Variants in JAKMIP1 observed in about 807,000 individuals in gnomAD.
JAKMIP1 encodes the protein janus kinase and microtubule-interacting protein 1.
JAKMIP1 carries 33 observed loss-of-function variants against 113.0 expected under a neutral mutation model. That is an observed-to-expected ratio of 0.29 (90% CI 0.22 to 0.39). The LOEUF is 0.39. Ranked by LOEUF, JAKMIP1 falls within the 10% of genes least tolerant of loss-of-function variation. The pLI, the probability that JAKMIP1 is intolerant of heterozygous loss-of-function variation, is 1.00. For synonymous variants in JAKMIP1, 480 were observed against 459.9 expected (o/e 1.04, Z -0.56); for missense variants, 813 against 1,080.5 (o/e 0.75, Z 3.47).
rs1250501392 is a variant in JAKMIP1 at position 6,188,658 on chromosome 4, C to A, written c.-148+11595G>T. 1.3e-5 allele frequency among the ~76,000 whole-genome samples: 2 copies of A among 152,222 alleles called. No individual in the cohort carries two copies. The highest frequency in any genetic ancestry group is 2.9e-5 in the Non-Finnish European group (2 of 68,040). ...AATCTGGGGCACCTGAGGTTTGGGG[C>A]ACCTGCATCCCTCCCCCATCTTCTG... On this transcript the variant is annotated intron_variant, in intron 1 of 20. Coordinates refer to ENST00000409021, the MANE Select transcript of JAKMIP1 (RefSeq NM_001099433.2). This position sits in a 1 kb window ranked among gnomAD's most constrained non-coding sequence, Gnocchi z 5.8.
rs183378605 is a variant in JAKMIP1, at chr4:6,197,786, A to G, written c.-148+2467T>C. On this transcript the variant is annotated intron_variant, in intron 1 of 20. Transcript: ENST00000409021. The surrounding 1 kb of genome is among the most constrained non-coding windows in gnomAD (Gnocchi z 6.5). The stretch of plus-strand genomic sequence containing the variant: ...CCCTGGCAGTCTGGCTCAGAGCCTG[A>G]AGAGACACAAGGTCCCACCCTCGAG... 8.9e-4 allele frequency among the ~76,000 whole-genome samples: 135 copies of G among 152,350 alleles called. No homozygotes were observed. Among genetic ancestry groups the G allele is most frequent in the African/African-American group, 3.2e-3 (131 of 41,584 alleles).
chr4:6,117,499 T>C (rs60197375), intron 1 of JAKMIP1, among the ~76,000 whole-genome samples: 62,253 of 151,500 alleles, frequency 0.41, 13,128 homozygotes, highest in East Asian at 0.61. Flanking sequence ...CAGGGCAAGA[T>C]CACAGGACCA....
In JAKMIP1 at chr4:6,194,216, G is replaced by A. The variant is rs1727597830; in HGVS notation, c.-148+6037C>T. Reference sequence around the variant, plus strand: ...GGAAAATGTTTTGCAGCTAGATTGAGGTGACAGTTGCACAACATCGTGAAT... The same window carrying A: ...GGAAAATGTTTTGCAGCTAGATTGAAGTGACAGTTGCACAACATCGTGAAT... On this transcript the variant is annotated intron_variant, in intron 1 of 20. Transcript: ENST00000409021. The surrounding 1 kb of genome is among the most constrained non-coding windows in gnomAD (Gnocchi z 7.4). 6.6e-6 allele frequency among the ~76,000 whole-genome samples: 1 copy of A among 152,154 alleles called. No homozygotes were observed.
In JAKMIP1 at chr4:6,173,631, T is replaced by A. The variant is rs558402127; in HGVS notation, c.-148+26622A>T. ...TACACCTTCATCTTGATTCACCAACTGTTTAATTTTTCCTTATCCCATTTT... is the reference window on the plus strand; with the variant it reads ...TACACCTTCATCTTGATTCACCAACAGTTTAATTTTTCCTTATCCCATTTT... On this transcript the variant is annotated intron_variant, in intron 1 of 20. Transcript: ENST00000409021. Among the ~76,000 whole-genome samples the A allele has an allele frequency of 2.0e-5, 3 of 152,374 alleles. No homozygotes were observed. In the South Asian group the frequency reaches 6.2e-4, roughly 32 times the overall value.
Position 6,188,279 on chromosome 4 carries a change from G to A in JAKMIP1, c.-148+11974C>T, listed in dbSNP as rs201264259. ...TCCCCTTTGTGACATGTGGTGACTG[G>A]AAGTGTGGAGACAGCTCATTGCTTC... On this transcript the variant is annotated intron_variant, in intron 1 of 20. Transcript: ENST00000409021. This position sits in a 1 kb window ranked among gnomAD's most constrained non-coding sequence, Gnocchi z 5.8. 6.6e-6 allele frequency among the ~76,000 whole-genome samples: 1 copy of A among 152,202 alleles called. No homozygotes were observed. The highest frequency in any genetic ancestry group is 1.9e-4 in the East Asian group (1 of 5,182).
Position 6,106,038 on chromosome 4 carries a change from T to G in JAKMIP1, c.130-71A>C, listed in dbSNP as rs10000296. 0.1 allele frequency: 108,112 copies of G among 1,054,218 alleles called. 6,144 individuals are homozygous for G. Among genetic ancestry groups the G allele is most frequent in the Non-Finnish European group, 0.11 (82,316 of 736,758 alleles). The allele number at this position is 1,054,218 out of a possible 1,614,324, so 65.3% of individuals were successfully genotyped here. A position where few individuals can be genotyped will look rare whatever the true frequency, so the allele number is the denominator to read the frequency against. On this transcript the variant is annotated intron_variant, in intron 2 of 20. Coordinates refer to ENST00000409021, the MANE Select transcript of JAKMIP1 (RefSeq NM_001099433.2). The surrounding 1 kb of genome is among the most constrained non-coding windows in gnomAD (Gnocchi z 5.9). ...TCAGGGTCAGGGTCAGGGTCACAGC[T>G]GGGGGAGCTGGCCACAGCCTCCCCA...
Position 6,081,875 on chromosome 4 carries a change from A to T in JAKMIP1, c.955-120T>A. Reference sequence around the variant, plus strand: ...ACCCCTTCTGAGGCCAGTGTCCTGGATGACACATTTGTTTGCTAGTTGCAT... The same window carrying T: ...ACCCCTTCTGAGGCCAGTGTCCTGGTTGACACATTTGTTTGCTAGTTGCAT... On this transcript the variant is annotated intron_variant, in intron 5 of 20. Transcript: ENST00000409021. The surrounding 1 kb of genome is among the most constrained non-coding windows in gnomAD (Gnocchi z 4.6). 8.9e-7 allele frequency: 1 copy of T among 1,119,906 alleles called. No individual in the cohort carries two copies. The highest frequency in any genetic ancestry group is 1.3e-6 in the Non-Finnish European group (1 of 782,394). The allele number at this position is 1,119,906 out of a possible 1,614,324, so 69.4% of individuals were successfully genotyped here. A position where few individuals can be genotyped will look rare whatever the true frequency, so the allele number is the denominator to read the frequency against.
chr4:6,130,517 C>T (rs924431627), intron 1 of JAKMIP1, among the ~76,000 whole-genome samples: 1 of 152,060 alleles, frequency 6.6e-6, no homozygotes, highest in Admixed American at 6.5e-5. Flanking sequence ...CCAAAGCATA[C>T]TAAAAGGCAA....
In JAKMIP1 at chr4:6,138,812, T is replaced by C. The variant is rs890963352; in HGVS notation, c.-147-25815A>G. On this transcript the variant is annotated intron_variant, in intron 1 of 20. Transcript: ENST00000409021. The surrounding 1 kb of genome is among the most constrained non-coding windows in gnomAD (Gnocchi z 6.0). ...GTCCTCCCTGAGCTTCAGTTTCCCCTAACCTGGAAAAATGAGGAAAATCAT... is the reference window on the plus strand; with the variant it reads ...GTCCTCCCTGAGCTTCAGTTTCCCCCAACCTGGAAAAATGAGGAAAATCAT... Among the ~76,000 whole-genome samples the C allele has an allele frequency of 5.9e-5, 9 of 152,070 alleles. No individual in the cohort carries two copies. Among genetic ancestry groups the C allele is most frequent in the Non-Finnish European group, 1.5e-5 (1 of 68,026 alleles).
chr4:6,126,662 G>GC (rs1015360665), intron 1 of JAKMIP1, among the ~76,000 whole-genome samples: 13 of 126,416 alleles, frequency 1.0e-4, no homozygotes, highest in Admixed American at 2.4e-4. Flanking sequence ...CACCACACAT[G>GC]CCCCCCCCAC....
At chr4:6,077,413 C>T (rs1719832589) in intron 8 of JAKMIP1, among the ~76,000 whole-genome samples, 1 of 151,292 alleles carries the variant, frequency 6.6e-6, no homozygotes, top group Admixed American at 6.6e-5. Context: ...AGGGAGGGAA[C>T]GTGGCTCTAC....
At chr4:6,078,828 G>T in intron 8 of JAKMIP1, 111 bp downstream of exon 8, 1 of 924,848 alleles carries the variant, frequency 1.1e-6, no homozygotes. Context: ...GCAGAGATGT[G>T]TGTGTCTGCT....
rs1727396349 is a variant in JAKMIP1, at chr4:6,192,601, CAG to C, written c.-148+7650_-148+7651del. 6.6e-6 allele frequency among the ~76,000 whole-genome samples: 1 copy of C among 152,190 alleles called. No homozygotes were observed. The highest frequency in any genetic ancestry group is 1.5e-5 in the Non-Finnish European group (1 of 68,044). On this transcript the variant is annotated intron_variant, in intron 1 of 20. Coordinates refer to ENST00000409021, the MANE Select transcript of JAKMIP1 (RefSeq NM_001099433.2). This position sits in a 1 kb window ranked among gnomAD's most constrained non-coding sequence, Gnocchi z 5.0. ...AGATGAAGGAACGAGCACTCGATCACAGAGCTAGCAGGGTGGAGTTCGGAAAT... is the reference window on the plus strand; with the variant it reads ...AGATGAAGGAACGAGCACTCGATCACAGCTAGCAGGGTGGAGTTCGGAAAT...
chr4:6,131,692 T>C (rs1718537596), intron 1 of JAKMIP1, among the ~76,000 whole-genome samples: 1 of 152,234 alleles, frequency 6.6e-6, no homozygotes, highest in African/African-American at 2.4e-5. Flanking sequence ...ATGGTGCCAC[T>C]GCACTCCAGC....
Position 6,040,786 on chromosome 4 carries a change from T to C in JAKMIP1, c.2098-70A>G. 6 of 1,264,000 alleles carry C rather than the reference T, an allele frequency of 4.7e-6. No homozygotes were observed. Among genetic ancestry groups the C allele is most frequent in the Non-Finnish European group, 6.9e-6 (6 of 874,866 alleles). 78.3% of individuals were successfully genotyped at this position (1,264,000 alleles called of 1,614,324 possible). A position where few individuals can be genotyped will look rare whatever the true frequency, so the allele number is the denominator to read the frequency against. ...AATCCATGACAGCTTCAGAGCCCGTTTGCTAGAGAGTGGCAGTCTCACCGA... is the reference window on the plus strand; with the variant it reads ...AATCCATGACAGCTTCAGAGCCCGTCTGCTAGAGAGTGGCAGTCTCACCGA... On this transcript the variant is annotated intron_variant, in intron 17 of 20. Transcript: ENST00000409021. The surrounding 1 kb of genome is among the most constrained non-coding windows in gnomAD (Gnocchi z 5.8).
chr4:6,165,054 T>C (rs1723450030), intron 1 of JAKMIP1, among the ~76,000 whole-genome samples: 1 of 152,204 alleles, frequency 6.6e-6, no homozygotes, highest in African/African-American at 2.4e-5. Context: ...GTGGGCAAAA[T>C]GCTGCCAAGT....
At chr4:6,160,494 G>C (rs116753832) in intron 1 of JAKMIP1, among the ~76,000 whole-genome samples, 4 of 151,996 alleles carry the variant, frequency 2.6e-5, no homozygotes, top group Non-Finnish European at 5.9e-5. Flanking sequence ...GATCACCCTC[G>C]AGCCCTCGCT....
At chr4:6,170,138 A>G (rs1724246391) in intron 1 of JAKMIP1, among the ~76,000 whole-genome samples, 1 of 143,746 alleles carries the variant, frequency 7.0e-6, no homozygotes, top group Non-Finnish European at 1.5e-5. Flanking sequence ...CACCACCACC[A>G]CTTCCATCAC....
At chr4:6,164,405 A>G (rs1476688202) in intron 1 of JAKMIP1, among the ~76,000 whole-genome samples, 1 of 152,222 alleles carries the variant, frequency 6.6e-6, no homozygotes, top group Admixed American at 6.5e-5. Flanking sequence ...TTACTTTTAC[A>G]ATGTTATGGC....
Sources: allele counts gnomAD v4.1 joint callset (sites outside exome capture counted in the v4.1 genomes callset), GRCh38; gene constraint gnomAD v4.1.1; non-coding constraint Gnocchi (gnomAD v3.1); transcripts MANE v1.5; gene names NCBI Gene and HGNC (gene_info 2026-07-23, HGNC 2026-07-21).